Variants in ACAA2 observed in about 807,000 individuals in gnomAD.
ACAA2 encodes the protein acetyl-CoA acyltransferase 2, also known as 3-ketoacyl-CoA thiolase, mitochondrial.
A neutral mutation model predicts 44.8 loss-of-function variants in ACAA2; 35 were observed. That is an observed-to-expected ratio of 0.78 (90% CI 0.60 to 1.04). ACAA2 has a LOEUF of 1.04. Among genes scored for constraint, ACAA2 ranks in the 50% least tolerant of loss-of-function variants. The probability of loss-of-function intolerance (pLI) is 0.00; values close to 1 mark genes in which losing one functional copy is unlikely to be tolerated. For missense variants in ACAA2, 468 were observed against 482.6 expected, an observed-to-expected ratio of 0.97 and a Z score of 0.28; for synonymous variants, 142 against 166.5, an observed-to-expected ratio of 0.85 and a Z score of 1.13.
rs1198946061 is a variant in ACAA2, at chr18:49,785,355, A to G, written c.955-4T>C. 1.2e-6 allele frequency: 2 copies of G among 1,613,024 alleles called. No homozygotes were observed. The highest frequency in any genetic ancestry group is 2.7e-5 in the African/African-American group (2 of 74,856). ...GGGGAGCAAAAGCTTCATTCACCTT[A>G]AAACAAAAATTAGAGCACTAACAAA... On this transcript the variant is annotated splice_region_variant and splice_polypyrimidine_tract_variant and intron_variant, in intron 8 of 9. Transcript: ENST00000285093.
intron 2 of ACAA2, among the ~76,000 whole-genome samples, chr18:49,802,467 CAGG>C (rs923532176): frequency 6.7e-6 from 1 of 149,162 alleles, no homozygotes; most frequent in Non-Finnish European, 1.5e-5. Context: ...GAGGCTGAGG[CAGG>C]AGAATTGCTT....
In ACAA2 at chr18:49,797,603, G is replaced by A. The variant is rs776719459; in HGVS notation, c.184-9C>T. 17 of 1,578,280 alleles carry A rather than the reference G, an allele frequency of 1.1e-5. No homozygotes were observed. The highest frequency in any genetic ancestry group is 2.8e-5 in the African/African-American group (2 of 72,536). On this transcript the variant is annotated splice_polypyrimidine_tract_variant and intron_variant, in intron 2 of 9. Coordinates refer to ENST00000285093, the MANE Select transcript of ACAA2 (RefSeq NM_006111.3). ...ATAGCATCTGAAGAACTCTAGAAGA[G>A]AGAAGGAAAAGAAAAATAATTTTCT... is the stretch of plus-strand genomic sequence containing the variant.
In ACAA2 at chr18:49,794,446, A is replaced by G; in HGVS notation, c.430-19T>C. 2 of 1,538,576 alleles carry G rather than the reference A, an allele frequency of 1.3e-6. No homozygotes were observed. Among genetic ancestry groups the G allele is most frequent in the South Asian group, 1.3e-5 (1 of 76,528 alleles). On this transcript the variant is annotated intron_variant, in intron 4 of 9. Transcript: ENST00000285093. ...CTTCCAGCTATTAAAAGACATTAAT[A>G]AAGTGACTTGTTAAGGCATTTCCTT...
At chr18:49,800,910 T>C (rs993081467) in intron 2 of ACAA2, among the ~76,000 whole-genome samples, 2 of 112,304 alleles carry the variant, frequency 1.8e-5, no homozygotes, top group Admixed American at 1.8e-4. Flanking sequence ...AAAAAAAAAA[T>C]CCACAGCTAT....
At chr18:49,807,430 G>C (rs2023620959) in intron 1 of ACAA2, among the ~76,000 whole-genome samples, 2 of 152,062 alleles carry the variant, frequency 1.3e-5, no homozygotes, top group African/African-American at 4.8e-5. Flanking sequence ...AAAACTCTTA[G>C]AACATACGAG....
chr18:49,794,497 TTAAA>T (rs1300401795), intron 4 of ACAA2, 70 bp from the exon 5 acceptor site: 1 of 1,239,054 alleles, frequency 8.1e-7, no homozygotes, highest in Non-Finnish European at 1.0e-6. Context: ...TATAATTTCT[TTAAA>T]TAATCAACAC....
chr18:49,799,723 A>C (rs1274397649), intron 2 of ACAA2, among the ~76,000 whole-genome samples: 1 of 149,148 alleles, frequency 6.7e-6, no homozygotes, highest in Non-Finnish European at 1.5e-5. Context: ...CCAGTCTGGA[A>C]AGTGAGGAGC....
intron 1 of ACAA2, among the ~76,000 whole-genome samples, chr18:49,810,358 A>G (rs1452100435): frequency 6.6e-6 from 1 of 152,196 alleles, no homozygotes; most frequent in Non-Finnish European, 1.5e-5. Flanking sequence ...CATATTGCAC[A>G]CATGGAAATG....
chr18:49,782,858 A>G lies in ACAA2; in HGVS notation c.*989T>C, dbSNP rs2143940408. On this transcript the variant is annotated 3_prime_UTR_variant, in exon 10 of 10. Transcript: ENST00000285093. ...GCGAGACTCTGTCTCAAAAAAAAAA[A>G]AAAAAATTTCCCCCCAATAAATGTA... 1 of 152,274 alleles carries G rather than the reference A, an allele frequency of 6.6e-6. No homozygotes were observed. The highest frequency in any genetic ancestry group is 1.5e-5 in the Non-Finnish European group (1 of 68,040). The allele number at this position is 152,274 out of a possible 1,614,324, so 9.4% of individuals were successfully genotyped here.
rs2023280497 is a variant in ACAA2, at chr18:49,782,658, C to T, written c.*1189G>A. The T allele has an allele frequency of 6.6e-6, 1 of 151,600 alleles. No homozygotes were observed. Among genetic ancestry groups the T allele is most frequent in the Admixed American group, 6.6e-5 (1 of 15,214 alleles). 9.4% of individuals were successfully genotyped at this position (151,600 alleles called of 1,614,324 possible). A position where few individuals can be genotyped will look rare whatever the true frequency, so the allele number is the denominator to read the frequency against. ...GGTCAGGAGATCGAGACCATCCTGG[C>T]TAACACGGTGAAACCCCATCTCTAC... On this transcript the variant is annotated 3_prime_UTR_variant, in exon 10 of 10. Coordinates refer to ENST00000285093, the MANE Select transcript of ACAA2 (RefSeq NM_006111.3).
Position 49,802,810 on chromosome 18 carries a change from G to T in ACAA2, c.60C>A (p.Tyr20Ter), listed in dbSNP as rs151022375. The T allele has an allele frequency of 1.2e-6, 2 of 1,614,068 alleles. No individual in the cohort carries two copies. The highest frequency in any genetic ancestry group is 3.3e-5 in the Admixed American group (2 of 60,004). The change falls in exon 2 of 10, where the codon TAC becomes TAA. Residue 20 changes from tyrosine to a stop codon, truncating the protein, a stop_gained. Coordinates refer to ENST00000285093, the MANE Select transcript of ACAA2 (RefSeq NM_006111.3). LOFTEE classifies it high-confidence loss of function. ...CAGTGAAGTCTTTCAGAAGGCCTCC[G>T]TAAGCTCCAAAGGGCGTTCGCTTAG... ...VAAKRTPFGA[Y>*]GGLLKDFTAT...
intron 1 of ACAA2, among the ~76,000 whole-genome samples, chr18:49,808,371 G>A (rs770716217): frequency 6.6e-6 from 1 of 152,166 alleles, no homozygotes; most frequent in Non-Finnish European, 1.5e-5. Flanking sequence ...TAAATGATTT[G>A]AAAACTTATG....
intron 1 of ACAA2, among the ~76,000 whole-genome samples, chr18:49,807,817 C>T (rs1036222108): frequency 3.3e-5 from 5 of 151,974 alleles, no homozygotes; most frequent in African/African-American, 7.3e-5. Flanking sequence ...GGTGACAGAG[C>T]GGGACCCTCT....
intron 5 of ACAA2, among the ~76,000 whole-genome samples, chr18:49,793,162 C>A (rs754215338): frequency 1.3e-5 from 2 of 151,958 alleles, no homozygotes; most frequent in Non-Finnish European, 2.9e-5. Context: ...TGATAGGCAA[C>A]CTGAAGAAAT....
intron 8 of ACAA2, among the ~76,000 whole-genome samples, chr18:49,786,959 ATTTTTTCACT>A (rs1240724230): frequency 1.3e-5 from 2 of 152,122 alleles, no homozygotes; most frequent in African/African-American, 4.8e-5. Context: ...TTTTACATAT[ATTTTTTCACT>A]TTAATATTCA....
In ACAA2 at chr18:49,812,001, T is replaced by C. The variant is rs1462864872; in HGVS notation, c.16+1468A>G. Among the ~76,000 whole-genome samples, 23 of 152,220 alleles carry C rather than the reference T, an allele frequency of 1.5e-4. 1 individual carries two copies. The highest frequency in any genetic ancestry group is 1.5e-3 in the Admixed American group (23 of 15,282). Reference sequence around the variant, plus strand: ...AACCACTGATAAAATATTAAAATGATATCAGTAAAAATATTATTTCCTTTT... The same window carrying C: ...AACCACTGATAAAATATTAAAATGACATCAGTAAAAATATTATTTCCTTTT... On this transcript the variant is annotated intron_variant, in intron 1 of 9. Coordinates refer to ENST00000285093, the MANE Select transcript of ACAA2 (RefSeq NM_006111.3).
Position 49,806,297 on chromosome 18 carries a change from T to C in ACAA2, c.17-3444A>G, listed in dbSNP as rs549173757. ...GAGAATCTGGGAAAGAGGAGCACCA[T>C]AGAGCGAGATTCCAAATTTCACATA... On this transcript the variant is annotated intron_variant, in intron 1 of 9. Transcript: ENST00000285093. Among the ~76,000 whole-genome samples the C allele has an allele frequency of 7.2e-5, 11 of 152,252 alleles. No homozygotes were observed. The East Asian group carries it at 1.7e-3, about 24-fold the overall frequency.
intron 5 of ACAA2, 119 bp from the exon 6 acceptor site, chr18:49,792,446 A>G: frequency 1.1e-6 from 1 of 949,586 alleles, no homozygotes; most frequent in East Asian, 2.7e-5. Context: ...TTTAATATTG[A>G]GTCTTTATTA....
At chr18:49,800,407 T>G (rs1338638370) in intron 2 of ACAA2, among the ~76,000 whole-genome samples, 1 of 152,120 alleles carries the variant, frequency 6.6e-6, no homozygotes, top group Non-Finnish European at 1.5e-5. Context: ...GCCCAGCAGC[T>G]CATGGAGAAC....
Sources: allele counts gnomAD v4.1 joint callset (sites outside exome capture counted in the v4.1 genomes callset), GRCh38; gene constraint gnomAD v4.1.1; transcripts MANE v1.5; gene names NCBI Gene and HGNC (gene_info 2026-07-23, HGNC 2026-07-21).